Variants in C3orf20 observed in about 807,000 individuals in gnomAD.
The protein encoded by C3orf20 is uncharacterized protein C3orf20.
Under a neutral mutation model 88.3 loss-of-function variants are expected in C3orf20, and 76 were observed. The ratio of observed to expected loss-of-function variants is 0.86; its 90% CI spans 0.72 to 1.04. The LOEUF (loss-of-function observed/expected upper bound fraction) is 1.04, where lower values mean the gene tolerates loss of function less well. C3orf20 is among the 50% of genes least tolerant of loss of function. The probability of loss-of-function intolerance (pLI) is 0.00; values close to 1 mark genes in which losing one functional copy is unlikely to be tolerated. For missense variants in C3orf20, 1,056 were observed against 1,123.3 expected, an observed-to-expected ratio of 0.94 and a Z score of 0.86; for synonymous variants, 436 against 437.4, an observed-to-expected ratio of 1.00 and a Z score of 0.04.
At chr3:14,730,490 TGAGCC>T (rs2034505844) in intron 12 of C3orf20, among the ~76,000 whole-genome samples, 1 of 152,046 alleles carries the variant, frequency 6.6e-6, no homozygotes, top group African/African-American at 2.4e-5. Flanking sequence ...GAGCTTGCAG[TGAGCC>T]GAGATCCTGC....
chr3:14,684,764 T>C (rs1439154113), intron 4 of C3orf20, among the ~76,000 whole-genome samples: 2 of 152,244 alleles, frequency 1.3e-5, no homozygotes, highest in Non-Finnish European at 2.9e-5. Flanking sequence ...CACAGGCCTC[T>C]CAGTGCTCAC....
intron 5 of C3orf20, among the ~76,000 whole-genome samples, chr3:14,695,193 T>C (rs1030851758): frequency 6.6e-6 from 1 of 152,194 alleles, no homozygotes; most frequent in African/African-American, 2.4e-5. Flanking sequence ...TGTGTTTCCA[T>C]TGTCTTTTGC....
chr3:14,751,023 C>CTTAATTATCCTA (rs2035205373), intron 12 of C3orf20, among the ~76,000 whole-genome samples: 1 of 152,140 alleles, frequency 6.6e-6, no homozygotes, highest in Non-Finnish European at 1.5e-5. Flanking sequence ...ACTAAATAAT[C>CTTAATTATCCTA]TTAATTATCC....
chr3:14,691,747 T>G (rs1003511695), intron 5 of C3orf20, among the ~76,000 whole-genome samples: 2 of 152,238 alleles, frequency 1.3e-5, no homozygotes, highest in Non-Finnish European at 2.9e-5. Context: ...GCATTTATCC[T>G]TTGTGTTACA....
rs1267471860 is a variant in C3orf20 at position 14,690,055 on chromosome 3, C to G, written c.684C>G (p.His228Gln). The G allele has an allele frequency of 1.2e-6, 2 of 1,614,122 alleles. No individual in the cohort carries two copies. The highest frequency in any genetic ancestry group is 2.7e-5 in the African/African-American group (2 of 74,934). The change falls in exon 5 of 17, where the codon CAC (histidine) becomes CAG (glutamine). Residue 228 changes from histidine (H) to glutamine (Q), a missense_variant. Transcript: ENST00000253697. The stretch of plus-strand genomic sequence containing the variant: ...ACTCGCCTTACCAGCTGATCTACCA[C>G]TCTTCCACAGCCTGTCTGAGCTTTT... ...GVNSPYQLIY[H>Q]SSTACLSFSL...
Position 14,721,068 on chromosome 3 carries a change from A to G in C3orf20, c.1435-585A>G, listed in dbSNP as rs754534505. 2.7e-4 allele frequency among the ~76,000 whole-genome samples: 41 copies of G among 152,240 alleles called. 1 individual carries two copies. Among genetic ancestry groups the G allele is most frequent in the Non-Finnish European group, 5.1e-4 (35 of 68,042 alleles). On this transcript the variant is annotated intron_variant, in intron 9 of 16. Coordinates refer to ENST00000253697, the MANE Select transcript of C3orf20 (RefSeq NM_032137.5). Reference sequence around the variant, plus strand: ...TCTTTTGGAAGTGATGATAAAGAGTAGCTGCCCCTTTTCCACCCATCTTTG... The same window carrying G: ...TCTTTTGGAAGTGATGATAAAGAGTGGCTGCCCCTTTTCCACCCATCTTTG...
chr3:14,762,348 T>A (rs1257806002), intron 15 of C3orf20, among the ~76,000 whole-genome samples: 1 of 152,232 alleles, frequency 6.6e-6, no homozygotes, highest in Non-Finnish European at 1.5e-5. Flanking sequence ...CGTGAGATGA[T>A]CTTCTTGAGC....
At chr3:14,737,808 C>T (rs536611630) in intron 12 of C3orf20, among the ~76,000 whole-genome samples, 1 of 152,364 alleles carries the variant, frequency 6.6e-6, no homozygotes, top group East Asian at 1.9e-4. Context: ...TCCTCTCAAA[C>T]TCTGCTGCTG....
intron 4 of C3orf20, among the ~76,000 whole-genome samples, chr3:14,687,065 G>A (rs920565485): frequency 2.0e-5 from 3 of 152,160 alleles, no homozygotes; most frequent in Non-Finnish European, 4.4e-5. Context: ...AGCACTAGCC[G>A]CCTGCCGCAG....
At chr3:14,710,539 T>C (rs1043328372) in intron 7 of C3orf20, among the ~76,000 whole-genome samples, 3 of 152,198 alleles carry the variant, frequency 2.0e-5, no homozygotes, top group African/African-American at 7.2e-5. Flanking sequence ...TTTTGACATG[T>C]TGTGTTTTGT....
intron 12 of C3orf20, among the ~76,000 whole-genome samples, chr3:14,739,548 C>A (rs1246710610): frequency 3.3e-5 from 5 of 152,190 alleles, no homozygotes; most frequent in Admixed American, 6.5e-5. Context: ...TTGGCTTTAG[C>A]CTAAAGTCAC....
intron 7 of C3orf20, among the ~76,000 whole-genome samples, chr3:14,708,480 T>C: frequency 6.6e-6 from 1 of 152,180 alleles, no homozygotes; most frequent in Admixed American, 6.5e-5. Context: ...ACTTTTTTTT[T>C]TTTCAAGACT....
intron 7 of C3orf20, among the ~76,000 whole-genome samples, chr3:14,712,164 GCACACA>G (rs1366747824): frequency 9.7e-6 from 1 of 102,932 alleles, no homozygotes; most frequent in Non-Finnish European, 1.9e-5. Flanking sequence ...ACACACACAC[GCACACA>G]CACGCGCGCG....
chr3:14,733,331 T>A (rs186681061), intron 12 of C3orf20, among the ~76,000 whole-genome samples: 542 of 152,332 alleles, frequency 3.6e-3, no homozygotes, highest in Non-Finnish European at 5.8e-3. Flanking sequence ...AAACTCAACT[T>A]GGTTATGATA....
At chr3:14,688,637 C>G (rs1026065000) in intron 4 of C3orf20, among the ~76,000 whole-genome samples, 1 of 151,978 alleles carries the variant, frequency 6.6e-6, no homozygotes, top group African/African-American at 2.4e-5. Context: ...CCTACTAGCC[C>G]TGGCTTGTCA....
At chr3:14,689,138 C>T (rs871972) in intron 4 of C3orf20, among the ~76,000 whole-genome samples, 49,268 of 151,958 alleles carry the variant, frequency 0.32, 8,301 homozygotes, top group African/African-American at 0.38. Context: ...ATTCTCTCTA[C>T]ACCAGCAGGG....
Position 14,707,429 on chromosome 3 carries a change from C to T in C3orf20, c.1160+2811C>T, listed in dbSNP as rs140425566. On this transcript the variant is annotated intron_variant, in intron 7 of 16. Coordinates refer to ENST00000253697, the MANE Select transcript of C3orf20 (RefSeq NM_032137.5). ...CTTATGTTTACCTAATGACGAATGG[C>T]GTAGAGCATCTTTTCTTGTGTGTGT... Among the ~76,000 whole-genome samples, 439 of 143,718 alleles carry T rather than the reference C, an allele frequency of 3.1e-3. 2 individuals are homozygous for T. Among genetic ancestry groups the T allele is most frequent in the African/African-American group, 9.1e-3 (348 of 38,044 alleles). The allele number at this position is 143,718 out of a possible 152,430, so 94.3% of individuals were successfully genotyped here.
In C3orf20 at chr3:14,700,249, CT is replaced by C. The variant is rs34352873; in HGVS notation, c.746-2874del. Reference sequence around the variant, plus strand: ...CTGGTTTTTGGTTATTTTGAAGACGCTTTTTTTGTGTAGGTAGTTGTTAAAT... The same window carrying C: ...CTGGTTTTTGGTTATTTTGAAGACGCTTTTTTGTGTAGGTAGTTGTTAAAT... On this transcript the variant is annotated intron_variant, in intron 5 of 16. Transcript: ENST00000253697. Among the ~76,000 whole-genome samples, 3 of 151,956 alleles carry C rather than the reference CT, an allele frequency of 2.0e-5. No homozygotes were observed. The East Asian group carries it at 5.8e-4, about 29-fold the overall frequency.
intron 11 of C3orf20, among the ~76,000 whole-genome samples, chr3:14,727,399 A>T (rs1418890520): frequency 6.6e-6 from 1 of 151,952 alleles, no homozygotes; most frequent in East Asian, 1.9e-4. Flanking sequence ...CCCATCATCC[A>T]TCTGGAGCCC....
Sources: allele counts gnomAD v4.1 joint callset (sites outside exome capture counted in the v4.1 genomes callset), GRCh38; gene constraint gnomAD v4.1.1; transcripts MANE v1.5; gene names NCBI Gene and HGNC (gene_info 2026-07-23, HGNC 2026-07-21).